CNNM1: variants seen among roughly 807,000 people sequenced by gnomAD.
The protein encoded by CNNM1 is metal transporter CNNM1.
Under a neutral mutation model 78.8 loss-of-function variants are expected in CNNM1, and 44 were observed. The ratio of observed to expected loss-of-function variants is 0.56; its 90% CI spans 0.44 to 0.72. The LOEUF (loss-of-function observed/expected upper bound fraction) is 0.72. Among genes scored for constraint, CNNM1 ranks in the 30% least tolerant of loss-of-function variants. The pLI is 0.00. For missense variants in CNNM1, 1,101 were observed against 1,292.2 expected, an observed-to-expected ratio of 0.85 and a Z score of 2.27; for synonymous variants, 584 against 581.5, an observed-to-expected ratio of 1.00 and a Z score of -0.06.
chr10:99,356,731 ACTT>A (rs530830002), intron 1 of CNNM1, among the ~76,000 whole-genome samples: 42 of 152,276 alleles, frequency 2.8e-4, no homozygotes, highest in African/African-American at 8.2e-4. Context: ...TTCCAAGACC[ACTT>A]CTTCTGCCAA....
intron 6 of CNNM1, among the ~76,000 whole-genome samples, chr10:99,366,428 C>T (rs2031620579): frequency 6.6e-6 from 1 of 151,644 alleles, no homozygotes; most frequent in Non-Finnish European, 1.5e-5. Context: ...GAAAAAAAGA[C>T]CTACATATGG....
At chr10:99,335,286 T>C (rs2030123999) in intron 1 of CNNM1, among the ~76,000 whole-genome samples, 1 of 152,240 alleles carries the variant, frequency 6.6e-6, no homozygotes, top group Non-Finnish European at 1.5e-5. Flanking sequence ...TTACTTCTTA[T>C]GAGTTGCAAG....
intron 3 of CNNM1, among the ~76,000 whole-genome samples, chr10:99,361,533 A>G (rs2031434107): frequency 6.6e-6 from 1 of 152,358 alleles, no homozygotes; most frequent in African/African-American, 2.4e-5. Context: ...TATTTAATTA[A>G]TCCAACATAT....
At chr10:99,389,772 C>G (rs1296111972) in intron 9 of CNNM1, among the ~76,000 whole-genome samples, 1 of 152,182 alleles carries the variant, frequency 6.6e-6, no homozygotes, top group East Asian at 1.9e-4. Context: ...ATTTCCAACA[C>G]ACCGCTCTGC....
chr10:99,365,776 C>A (rs562011612), intron 6 of CNNM1, among the ~76,000 whole-genome samples: 2 of 152,232 alleles, frequency 1.3e-5, no homozygotes, highest in East Asian at 1.9e-4. Context: ...ACTTCAATGC[C>A]AAATAGGGTC....
At chr10:99,354,250 A>G (rs564893874) in intron 1 of CNNM1, among the ~76,000 whole-genome samples, 17 of 152,366 alleles carry the variant, frequency 1.1e-4, no homozygotes, top group African/African-American at 3.1e-4. Flanking sequence ...AACAATTAAT[A>G]TAATCTAATT....
intron 1 of CNNM1, among the ~76,000 whole-genome samples, chr10:99,345,867 A>C (rs1439196306): frequency 6.6e-6 from 1 of 152,026 alleles, no homozygotes; most frequent in Non-Finnish European, 1.5e-5. Flanking sequence ...AATTTAAAAA[A>C]ATTTTTTTAA....
intron 1 of CNNM1, among the ~76,000 whole-genome samples, chr10:99,355,339 T>G (rs1330530746): frequency 6.6e-6 from 1 of 152,032 alleles, no homozygotes; most frequent in African/African-American, 2.4e-5. Context: ...GACGAGTTAC[T>G]GGATGCAGCA....
At position 99,390,338 on chromosome 10, in the gene CNNM1, G is replaced by A. The variant is rs2032436867; in HGVS notation, c.2707G>A (p.Asp903Asn). Reference protein sequence around the residue: ...SDSECCNINLDTETSPCSSDF... With the variant: ...SDSECCNINLNTETSPCSSDF... ...TAGTGAATGTTGTAACATCAACCTG[G>A]ATACAGAGACCAGCCCCTGCAGTAG... The change falls in exon 10 of 11, where the codon GAT becomes AAT. Residue 903 changes from aspartate (D) to asparagine (N), a missense_variant. By Grantham distance (23) the Asp-to-Asn change is conservative. Coordinates refer to ENST00000356713, the MANE Select transcript of CNNM1 (RefSeq NM_020348.3). 1.9e-6 allele frequency: 3 copies of A among 1,613,088 alleles called. No homozygotes were observed. The highest frequency in any genetic ancestry group is 2.2e-5 in the South Asian group (2 of 90,764).
At chr10:99,336,306 T>C (rs1347928506) in intron 1 of CNNM1, among the ~76,000 whole-genome samples, 2 of 152,222 alleles carry the variant, frequency 1.3e-5, no homozygotes, top group Admixed American at 1.3e-4. Context: ...CCTACAGTAT[T>C]TGGCACAGTA....
rs374142848 is a variant in CNNM1 at position 99,388,324 on chromosome 10, A to G, written c.2674+23A>G. On this transcript the variant is annotated intron_variant, in intron 9 of 10. Coordinates refer to ENST00000356713, the MANE Select transcript of CNNM1 (RefSeq NM_020348.3). ...CAGGTCAGGGAGGCCAGCTGGGCCCAGTGCAGCAAGGGAGATCATTGCCTT... is the reference window on the plus strand; with the variant it reads ...CAGGTCAGGGAGGCCAGCTGGGCCCGGTGCAGCAAGGGAGATCATTGCCTT... The G allele has an allele frequency of 1.5e-4, 236 of 1,609,242 alleles. No homozygotes were observed. The African/African-American group carries it at 2.6e-3, about 18-fold the overall frequency.
At chr10:99,365,810 T>C (rs1335975469) in intron 6 of CNNM1, among the ~76,000 whole-genome samples, 1 of 152,184 alleles carries the variant, frequency 6.6e-6, no homozygotes, top group African/African-American at 2.4e-5. Flanking sequence ...TAAAAAAAGA[T>C]TTTACATATT....
intron 1 of CNNM1, among the ~76,000 whole-genome samples, chr10:99,340,784 TTTTCTTTCTTTCTTACTTTCTC>T (rs1379410867): frequency 2.7e-5 from 4 of 147,314 alleles, no homozygotes; most frequent in African/African-American, 9.9e-5. Context: ...TCCTTCTTTC[TTTTCTTTCTTTCTTACTTTCTC>T]TTTCTTTCTT....
At position 99,330,727 on chromosome 10, in the gene CNNM1, T is replaced by C; in HGVS notation, c.1340T>C (p.Val447Ala). ...GDCFMLRSDA[V>A]LDFATVSEIL... ...TGCTTCATGCTGCGCTCAGACGCGG[T>C]GCTCGACTTCGCCACTGTCTCCGAG... is the stretch of plus-strand genomic sequence containing the variant. Residue 447 changes from valine to alanine, a missense_variant, in exon 1 of 11, where the codon GTG becomes GCG. This residue lies in a region of CNNM1 where 277 missense variants were observed against 423.2 expected (regional missense o/e 0.65). Coordinates refer to ENST00000356713, the MANE Select transcript of CNNM1 (RefSeq NM_020348.3). The C allele has an allele frequency of 1.9e-6, 3 of 1,613,978 alleles. No individual in the cohort carries two copies. Among genetic ancestry groups the C allele is most frequent in the Non-Finnish European group, 2.5e-6 (3 of 1,179,882 alleles).
chr10:99,389,431 A>AG (rs2032407899), intron 9 of CNNM1, among the ~76,000 whole-genome samples: 1 of 151,910 alleles, frequency 6.6e-6, no homozygotes, highest in African/African-American at 2.4e-5. Flanking sequence ...AAAAAAAAAA[A>AG]AAAAAAAATT....
chr10:99,371,806 G>C (rs948803641), intron 6 of CNNM1, among the ~76,000 whole-genome samples: 4 of 152,042 alleles, frequency 2.6e-5, no homozygotes, highest in Admixed American at 2.6e-4. Context: ...CCAGTATAAT[G>C]AATTTTAATA....
In CNNM1 at chr10:99,330,771, A is replaced by C; in HGVS notation, c.1384A>C (p.Thr462Pro). The C allele has an allele frequency of 6.2e-7, 1 of 1,613,992 alleles. No individual in the cohort carries two copies. The highest frequency in any genetic ancestry group is 8.5e-7 in the Non-Finnish European group (1 of 1,179,956). The change falls in exon 1 of 11, where the codon ACT (threonine) becomes CCT (proline). Residue 462 changes from threonine to proline, a missense_variant. Transcript: ENST00000356713. ...TVSEILRSGY[T>P]RIPVYEGDQR... ...CTCCGAGATCCTGCGCAGCGGCTAC[A>C]CTCGCATCCCAGTGTACGAGGGTGA... is the stretch of plus-strand genomic sequence containing the variant.
intron 1 of CNNM1, among the ~76,000 whole-genome samples, chr10:99,348,821 G>A (rs2030816030): frequency 6.6e-6 from 1 of 152,228 alleles, no homozygotes; most frequent in Admixed American, 6.5e-5. Flanking sequence ...GGAGGCCAAA[G>A]TGGGCAGATT....
chr10:99,357,362 C>A, intron 1 of CNNM1, 150 bp from the exon 2 acceptor site: 1 of 575,980 alleles, frequency 1.7e-6, no homozygotes, highest in Non-Finnish European at 2.8e-6. Flanking sequence ...CATTTATAAG[C>A]GCTTGCATAA....
Sources: allele counts gnomAD v4.1 joint callset (sites outside exome capture counted in the v4.1 genomes callset), GRCh38; gene constraint gnomAD v4.1.1; regional missense constraint gnomAD v4.1.1; transcripts MANE v1.5; gene names NCBI Gene and HGNC (gene_info 2026-07-23, HGNC 2026-07-21).